LRRC56: variants seen among roughly 807,000 people sequenced by gnomAD.
LRRC56 encodes leucine-rich repeat-containing protein 56.
Under a neutral mutation model 47.8 loss-of-function variants are expected in LRRC56, and 41 were observed. The observed-to-expected ratio is 0.86, with a 90% confidence interval of 0.67 to 1.11. The LOEUF is 1.11. Ranked by LOEUF, LRRC56 falls within the 50% of genes most tolerant of loss-of-function variation. The pLI, the probability that LRRC56 is intolerant of heterozygous loss-of-function variation, is 0.00. For synonymous variants in LRRC56, 387 were observed against 311.2 expected (o/e 1.24, Z -2.56); for missense variants, 759 against 704.2 (o/e 1.08, Z -0.88).
Position 550,275 on chromosome 11 carries a change from G to GC in LRRC56, c.624+4dup. On this transcript the variant is annotated splice_donor_region_variant and intron_variant, in intron 8 of 13. Coordinates refer to ENST00000270115, the MANE Select transcript of LRRC56 (RefSeq NM_198075.4). ...CGGCCCCTGGCCCCACCAACAAGGT[G>GC]CGTGTCCCGGGCACCCGGCCAGCAT... The GC allele has an allele frequency of 6.4e-7, 1 of 1,565,164 alleles. No individual in the cohort carries two copies. The highest frequency in any genetic ancestry group is 8.7e-7 in the Non-Finnish European group (1 of 1,155,470).
chr11:533,440 A>G (rs752168787), upstream of LRRC56: 1 of 1,612,002 alleles, frequency 6.2e-7, no homozygotes, highest in Middle Eastern at 1.7e-4. Flanking sequence ...TGTGGGGTGG[A>G]GAGCTGCCTC....
At chr11:535,472 C>CGG (rs1021593789), upstream of LRRC56, 3 of 147,024 alleles carry the variant, frequency 2.0e-5, no homozygotes, top group African/African-American at 7.4e-5. Flanking sequence ...CGGGGCGGGG[C>CGG]GGGGGCGGGG....
intron 8 of LRRC56, among the ~76,000 whole-genome samples, chr11:550,680 C>T (rs1852338828): frequency 6.6e-6 from 1 of 152,176 alleles, no homozygotes; most frequent in East Asian, 1.9e-4. Context: ...GTGCCCTGCT[C>T]AGAGCTGGCA....
At chr11:533,638 C>T (rs771080319), upstream of LRRC56, 6 of 1,613,518 alleles carry the variant, frequency 3.7e-6, no homozygotes, top group Admixed American at 8.3e-5. Flanking sequence ...CGAGAGCTGG[C>T]TACGGGGGCT....
At chr11:529,297 T>A in the LRRC56 span, 1 of 152,390 alleles carries the variant, frequency 6.6e-6, no homozygotes. Flanking sequence ...CAGACCCTGA[T>A]GGGGCAGAGC....
chr11:534,327 CCT>C (rs772989900), upstream of LRRC56: 1 of 1,609,800 alleles, frequency 6.2e-7, no homozygotes, highest in Admixed American at 1.7e-5. Flanking sequence ...CGTCATCGCT[CCT>C]CAGGGGCCTG....
rs538631991 is a variant in LRRC56 at position 553,103 on chromosome 11, G to A, written c.1315+401G>A. The stretch of plus-strand genomic sequence containing the variant: ...GAGTCCGGGGGCTGGGAGGAAAGGC[G>A]GCCAGCAGCCCCACTGGGAGACCAA... On this transcript the variant is annotated intron_variant, in intron 13 of 13. Transcript: ENST00000270115. Among the ~76,000 whole-genome samples, 7 of 152,326 alleles carry A rather than the reference G, an allele frequency of 4.6e-5. No homozygotes were observed. In the East Asian group the frequency reaches 7.7e-4, roughly 17 times the overall value.
At chr11:509,171 C>A in the LRRC56 span, among the ~76,000 whole-genome samples, 1 of 152,162 alleles carries the variant, frequency 6.6e-6, no homozygotes, top group East Asian at 1.9e-4. Context: ...CACACGTGAG[C>A]TTGGTGACCA....
intron 5 of LRRC56, among the ~76,000 whole-genome samples, chr11:542,700 G>A (rs1470148755): frequency 6.6e-6 from 1 of 151,846 alleles, no homozygotes; most frequent in Non-Finnish European, 1.5e-5. Context: ...AGCGCGTCAG[G>A]CCACTGTTCT....
At chr11:515,109 T>C in the LRRC56 span, among the ~76,000 whole-genome samples, 1,144 of 152,298 alleles carry the variant, frequency 7.5e-3, 12 homozygotes, top group African/African-American at 0.026. Context: ...GTTGGGGTCA[T>C]GTCCCAAGAA....
At chr11:517,840 C>T in the LRRC56 span, among the ~76,000 whole-genome samples, 43 of 152,368 alleles carry the variant, frequency 2.8e-4, no homozygotes, top group Non-Finnish European at 4.7e-4. Context: ...ATTCTTCTGT[C>T]TTGGGATGCT....
At chr11:552,378 G>T in intron 12 of LRRC56, 146 bp downstream of exon 12, 1 of 1,279,998 alleles carries the variant, frequency 7.8e-7, no homozygotes, top group African/African-American at 1.5e-5. Context: ...CAGGGCTGGG[G>T]CTACCTTGGC....
At chr11:549,588 TAGAAAG>T (rs888071063) in intron 6 of LRRC56, among the ~76,000 whole-genome samples, 3 of 152,152 alleles carry the variant, frequency 2.0e-5, no homozygotes, top group Admixed American at 6.5e-5. Flanking sequence ...AGGAGACAAT[TAGAAAG>T]AGAAAGGTGA....
upstream of LRRC56, among the ~76,000 whole-genome samples, chr11:536,331 C>A (rs1218650242): frequency 6.6e-6 from 1 of 152,248 alleles, no homozygotes; most frequent in Non-Finnish European, 1.5e-5. Context: ...CCAGTTAAAC[C>A]GTACCCACAA....
At chr11:516,413 C>A in the LRRC56 span, among the ~76,000 whole-genome samples, 1 of 151,784 alleles carries the variant, frequency 6.6e-6, no homozygotes, top group Non-Finnish European at 1.5e-5. Flanking sequence ...AAACCCAAAT[C>A]TTGAAGCCAG....
upstream of LRRC56, chr11:534,500 G>A: frequency 1.6e-6 from 1 of 616,526 alleles, no homozygotes; most frequent in South Asian, 1.9e-5. Flanking sequence ...CAGGCAGCAA[G>A]GACTGCAGCG....
intron 6 of LRRC56, among the ~76,000 whole-genome samples, chr11:546,139 A>AAG (rs1852065582): frequency 6.6e-6 from 1 of 152,134 alleles, no homozygotes; most frequent in African/African-American, 2.4e-5. Flanking sequence ...GCATGGTGGC[A>AAG]CATGCCTGTA....
chr11:513,889 G>A, the LRRC56 span, among the ~76,000 whole-genome samples: 1 of 151,398 alleles, frequency 6.6e-6, no homozygotes. Context: ...ACCCTGATCA[G>A]TCAGCAGCCA....
At position 541,461 on chromosome 11, in the gene LRRC56, C is replaced by T; in HGVS notation, c.178-76C>T. On this transcript the variant is annotated intron_variant, in intron 4 of 13. Transcript: ENST00000270115. The surrounding 1 kb of genome is among the most constrained non-coding windows in gnomAD (Gnocchi z 4.1). ...CCTGCTCCAGCGGGAGCCCCAGAGTCCTGTAGCCAGAAGCAAGGATGGAAC... is the reference window on the plus strand; with the variant it reads ...CCTGCTCCAGCGGGAGCCCCAGAGTTCTGTAGCCAGAAGCAAGGATGGAAC... 1.2e-6 allele frequency: 1 copy of T among 854,570 alleles called. No homozygotes were observed. The highest frequency in any genetic ancestry group is 1.8e-6 in the Non-Finnish European group (1 of 563,870). 52.9% of individuals were successfully genotyped at this position (854,570 alleles called of 1,614,324 possible). A position where few individuals can be genotyped will look rare whatever the true frequency, so the allele number is the denominator to read the frequency against.
Sources: allele counts gnomAD v4.1 joint callset (sites outside exome capture counted in the v4.1 genomes callset), GRCh38; gene constraint gnomAD v4.1.1; non-coding constraint Gnocchi (gnomAD v3.1); transcripts MANE v1.5; gene names NCBI Gene and HGNC (gene_info 2026-07-23, HGNC 2026-07-21).